Variants in EFNA5 observed in about 807,000 individuals in gnomAD.
EFNA5 encodes ephrin-A5.
Under a neutral mutation model 22.9 loss-of-function variants are expected in EFNA5, and 5 were observed. The observed-to-expected ratio is 0.22, with a 90% CI of 0.11 to 0.46. The LOEUF is 0.46. EFNA5 is among the 20% of genes least tolerant of loss of function. The pLI, the probability that EFNA5 is intolerant of heterozygous loss-of-function variation, is 0.99. For synonymous variants in EFNA5, 113 were observed against 112.2 expected, an observed-to-expected ratio of 1.01 and a Z score of -0.04; for missense variants, 237 against 293.3, an observed-to-expected ratio of 0.81 and a Z score of 1.40.
chr5:107,524,430 T>C (rs1580511532), intron 1 of EFNA5, among the ~76,000 whole-genome samples: 1 of 152,330 alleles, frequency 6.6e-6, no homozygotes, highest in South Asian at 2.1e-4. Flanking sequence ...GGAAAATGTC[T>C]AAGCATGTTA....
intron 1 of EFNA5, among the ~76,000 whole-genome samples, chr5:107,504,443 T>C (rs568593374): frequency 3.8e-4 from 58 of 152,330 alleles, no homozygotes; most frequent in African/African-American, 1.3e-3. Context: ...CTAAAATATG[T>C]GTCTTCTCTA....
intron 1 of EFNA5, among the ~76,000 whole-genome samples, chr5:107,525,441 C>T (rs1747675223): frequency 6.6e-6 from 1 of 152,126 alleles, no homozygotes; most frequent in African/African-American, 2.4e-5. Flanking sequence ...AACCTCCATG[C>T]AGTTGAAAAT....
intron 1 of EFNA5, among the ~76,000 whole-genome samples, chr5:107,631,926 A>G (rs1158266243): frequency 6.6e-6 from 1 of 152,218 alleles, no homozygotes; most frequent in Non-Finnish European, 1.5e-5. Flanking sequence ...TTAGAAAGGA[A>G]GCAAGTAGGC....
At chr5:107,459,489 T>C (rs1475389232) in intron 1 of EFNA5, among the ~76,000 whole-genome samples, 1 of 152,038 alleles carries the variant, frequency 6.6e-6, no homozygotes, top group Non-Finnish European at 1.5e-5. Context: ...ATGTTCATGT[T>C]TTATAGTTGA....
intron 1 of EFNA5, among the ~76,000 whole-genome samples, chr5:107,436,590 C>A (rs756687263): frequency 6.6e-6 from 1 of 152,198 alleles, no homozygotes; most frequent in Non-Finnish European, 1.5e-5. Flanking sequence ...TGGCCAGGAG[C>A]TTCCTATCAA....
intron 1 of EFNA5, among the ~76,000 whole-genome samples, chr5:107,435,032 A>C (rs1451042090): frequency 6.6e-6 from 1 of 152,238 alleles, no homozygotes; most frequent in African/African-American, 2.4e-5. Context: ...TCTAGAGTGA[A>C]TATATCTTGG....
intron 1 of EFNA5, among the ~76,000 whole-genome samples, chr5:107,455,210 C>A (rs137934716): frequency 9.9e-4 from 150 of 152,256 alleles, no homozygotes; most frequent in African/African-American, 3.5e-3. Context: ...TATACACAGA[C>A]CCAAAGATCT....
intron 2 of EFNA5, among the ~76,000 whole-genome samples, chr5:107,398,136 C>T (rs895562401): frequency 6.6e-6 from 1 of 152,142 alleles, no homozygotes; most frequent in Admixed American, 6.5e-5. Context: ...CAGGCTCCCT[C>T]TTTATCCCTC....
At chr5:107,611,441 C>T (rs781002513) in intron 1 of EFNA5, among the ~76,000 whole-genome samples, 4 of 152,150 alleles carry the variant, frequency 2.6e-5, no homozygotes, top group African/African-American at 7.2e-5. Context: ...CAAGGTAAAA[C>T]GGTTCGCTCA....
chr5:107,552,571 G>A (rs893609080), intron 1 of EFNA5, among the ~76,000 whole-genome samples: 6 of 152,190 alleles, frequency 3.9e-5, no homozygotes, highest in African/African-American at 9.7e-5. Flanking sequence ...AACATCTGGT[G>A]TCTACTTAGA....
At chr5:107,586,679 T>C (rs1749194078) in intron 1 of EFNA5, among the ~76,000 whole-genome samples, 1 of 152,154 alleles carries the variant, frequency 6.6e-6, no homozygotes, top group Non-Finnish European at 1.5e-5. Flanking sequence ...ATAGCTCCAA[T>C]AGCCTTGTAT....
chr5:107,537,905 G>A (rs991101571), intron 1 of EFNA5, among the ~76,000 whole-genome samples: 3 of 152,164 alleles, frequency 2.0e-5, no homozygotes, highest in Non-Finnish European at 2.9e-5. Context: ...ACACACAAAT[G>A]ATTAGCACAT....
At chr5:107,649,951 T>C (rs1373486183) in intron 1 of EFNA5, among the ~76,000 whole-genome samples, 1 of 152,124 alleles carries the variant, frequency 6.6e-6, no homozygotes, top group African/African-American at 2.4e-5. Flanking sequence ...AGCAGAGAAG[T>C]GTACCCAGAA....
Position 107,496,368 on chromosome 5 carries a change from A to G in EFNA5, c.126-68859T>C, listed in dbSNP as rs188898913. Among the ~76,000 whole-genome samples the G allele has an allele frequency of 4.6e-4, 70 of 151,540 alleles. 1 individual carries two copies. The highest frequency in any genetic ancestry group is 1.6e-3 in the African/African-American group (68 of 41,292). On this transcript the variant is annotated intron_variant, in intron 1 of 4. Coordinates refer to ENST00000333274, the MANE Select transcript of EFNA5 (RefSeq NM_001962.3). Reference sequence around the variant, plus strand: ...AAAAAAAAAAACAAAAAAACAAAAAACAACAACTACCCAGCATCTCTTTGC... The same window carrying G: ...AAAAAAAAAAACAAAAAAACAAAAAGCAACAACTACCCAGCATCTCTTTGC...
At chr5:107,428,781 T>C (rs1748871648) in intron 1 of EFNA5, among the ~76,000 whole-genome samples, 1 of 152,226 alleles carries the variant, frequency 6.6e-6, no homozygotes, top group African/African-American at 2.4e-5. Flanking sequence ...TTTTTGGACA[T>C]CTCTAGATGT....
intron 1 of EFNA5, among the ~76,000 whole-genome samples, chr5:107,432,215 T>C (rs893688866): frequency 6.6e-6 from 1 of 152,206 alleles, no homozygotes; most frequent in Non-Finnish European, 1.5e-5. Flanking sequence ...ACTCATCCTT[T>C]CACAGAATAA....
rs964281459 is a variant in EFNA5, at chr5:107,478,000, G to A, written c.126-50491C>T. Among the ~76,000 whole-genome samples the A allele has an allele frequency of 3.3e-5, 5 of 151,992 alleles. 1 individual carries two copies. Among genetic ancestry groups the A allele is most frequent in the South Asian group, 4.1e-4 (2 of 4,824 alleles). On this transcript the variant is annotated intron_variant, in intron 1 of 4. Coordinates refer to ENST00000333274, the MANE Select transcript of EFNA5 (RefSeq NM_001962.3). ...CTGGCCATTTTTAGTGATAACCACC[G>A]AAATACATGAGCAGGGTTTTTAAAC...
chr5:107,430,576 T>G (rs1201933580), intron 1 of EFNA5, among the ~76,000 whole-genome samples: 2 of 152,006 alleles, frequency 1.3e-5, no homozygotes, highest in Non-Finnish European at 2.9e-5. Context: ...AGAAGTTTGC[T>G]CTCCTTTCCT....
At chr5:107,452,014 T>A (rs1279579404) in intron 1 of EFNA5, among the ~76,000 whole-genome samples, 1 of 152,156 alleles carries the variant, frequency 6.6e-6, no homozygotes, top group African/African-American at 2.4e-5. Context: ...GAAAATGTGG[T>A]ACGTATATAC....
Sources: gnomAD v4.1 joint callset for allele counts (sites outside exome capture counted in the v4.1 genomes callset) on GRCh38, gnomAD v4.1.1 for gene constraint, MANE v1.5 for transcripts, NCBI Gene and HGNC (gene_info 2026-07-23, HGNC 2026-07-21) for gene names.